Variants in SLC16A7 observed in about 807,000 individuals in gnomAD.
The protein encoded by SLC16A7 is monocarboxylate transporter 2.
In SLC16A7, 33 loss-of-function variants were observed where a neutral mutation model predicts 34.9. The observed-to-expected ratio is 0.94, with a 90% CI of 0.72 to 1.26. The LOEUF is 1.26. Ranked by LOEUF, SLC16A7 falls within the 50% of genes most tolerant of loss-of-function variation. The pLI, the probability that SLC16A7 is intolerant of heterozygous loss-of-function variation, is 0.00. For missense variants in SLC16A7, 573 were observed against 578.1 expected, an observed-to-expected ratio of 0.99 and a Z score of 0.09; for synonymous variants, 201 against 206.6, an observed-to-expected ratio of 0.97 and a Z score of 0.23.
chr12:59,740,886 C>G (rs894007405), intron 3 of SLC16A7, among the ~76,000 whole-genome samples: 5 of 152,048 alleles, frequency 3.3e-5, no homozygotes, highest in South Asian at 2.1e-4. Flanking sequence ...AATCAATGTA[C>G]AAAAATCACA....
In SLC16A7 at chr12:59,754,725, C is replaced by G. The variant is rs985687393; in HGVS notation, c.218-16494C>G. Among the ~76,000 whole-genome samples the G allele has an allele frequency of 2.4e-4, 37 of 152,152 alleles. 1 individual carries two copies. The highest frequency in any genetic ancestry group is 3.4e-3 in the Middle Eastern group (1 of 294). On this transcript the variant is annotated intron_variant, in intron 3 of 5. Coordinates refer to ENST00000547379, the MANE Select transcript of SLC16A7 (RefSeq NM_001270623.2). ...CCTTCTGAAAGTATTCCAATCAATA[C>G]AAAAAGAGGGAATCCTCCCTAACTC...
At chr12:59,743,275 C>T (rs184876001) in intron 3 of SLC16A7, among the ~76,000 whole-genome samples, 264 of 152,144 alleles carry the variant, frequency 1.7e-3, no homozygotes, top group African/African-American at 4.8e-3. Flanking sequence ...ATCAAAACAT[C>T]GTTTTTCTAC....
intron 3 of SLC16A7, among the ~76,000 whole-genome samples, chr12:59,727,170 A>ATATATAAAATATATATATATATATATAAT (rs1555174538): frequency 1.4e-4 from 20 of 144,386 alleles, no homozygotes; most frequent in African/African-American, 5.1e-4. Flanking sequence ...ATATATATAT[A>ATATATAAAATATATATATATATATATAAT]ATATATATAT....
intron 3 of SLC16A7, among the ~76,000 whole-genome samples, chr12:59,711,634 C>T (rs1195229388): frequency 6.6e-6 from 1 of 152,154 alleles, no homozygotes; most frequent in Non-Finnish European, 1.5e-5. Flanking sequence ...TCTCCTGCCT[C>T]AGCCTCCTGA....
At chr12:59,715,415 T>C (rs371410509) in intron 3 of SLC16A7, among the ~76,000 whole-genome samples, 5 of 152,346 alleles carry the variant, frequency 3.3e-5, no homozygotes, top group Admixed American at 2.6e-4. Flanking sequence ...ATAAGTCATA[T>C]CACAGCCGTC....
rs1883632185 is a variant in SLC16A7 at position 59,786,486 on chromosome 12, T to C, written c.*6807T>C. 1 of 152,180 alleles carries C rather than the reference T, an allele frequency of 6.6e-6. No individual in the cohort carries two copies. The highest frequency in any genetic ancestry group is 2.1e-4 in the South Asian group (1 of 4,836). 9.4% of individuals were successfully genotyped at this position (152,180 alleles called of 1,614,324 possible). On this transcript the variant is annotated 3_prime_UTR_variant, in exon 6 of 6. Coordinates refer to ENST00000547379, the MANE Select transcript of SLC16A7 (RefSeq NM_001270623.2). Reference sequence around the variant, plus strand: ...TCAATGGTACGATGGATTTTATTTTTCTATCATCAACTTTCTATATTTAAC... The same window carrying C: ...TCAATGGTACGATGGATTTTATTTTCCTATCATCAACTTTCTATATTTAAC...
intron 3 of SLC16A7, among the ~76,000 whole-genome samples, chr12:59,734,934 A>G (rs1176936549): frequency 2.6e-5 from 4 of 152,236 alleles, no homozygotes; most frequent in Non-Finnish European, 5.9e-5. Context: ...GTTTCTTAAC[A>G]TTCAGCTTGA....
At chr12:59,685,758 C>T (rs771671463) in intron 2 of SLC16A7, among the ~76,000 whole-genome samples, 2 of 151,812 alleles carry the variant, frequency 1.3e-5, no homozygotes, top group Non-Finnish European at 2.9e-5. Context: ...TGTTTTCATT[C>T]TGTCTTTGAA....
At chr12:59,692,519 T>C (rs1207733010) in intron 2 of SLC16A7, among the ~76,000 whole-genome samples, 1 of 152,024 alleles carries the variant, frequency 6.6e-6, no homozygotes, top group African/African-American at 2.4e-5. Context: ...TTTTGAAGCA[T>C]AATTTTTCTG....
At chr12:59,624,387 G>A (rs1859744301) in intron 1 of SLC16A7, among the ~76,000 whole-genome samples, 1 of 151,132 alleles carries the variant, frequency 6.6e-6, no homozygotes, top group Non-Finnish European at 1.5e-5. Flanking sequence ...TGATAATCTT[G>A]CTACTTAATG....
At chr12:59,609,807 A>G (rs779066371) in intron 1 of SLC16A7, among the ~76,000 whole-genome samples, 3 of 152,214 alleles carry the variant, frequency 2.0e-5, no homozygotes, top group Non-Finnish European at 4.4e-5. Flanking sequence ...ATTTAAATAT[A>G]TGATTTTTTG....
At chr12:59,732,325 C>T (rs966477533) in intron 3 of SLC16A7, among the ~76,000 whole-genome samples, 5 of 152,034 alleles carry the variant, frequency 3.3e-5, no homozygotes, top group Non-Finnish European at 7.4e-5. Context: ...GAGGCTGAGG[C>T]AGAAGAATTG....
At chr12:59,740,017 T>G (rs1878112036) in intron 3 of SLC16A7, among the ~76,000 whole-genome samples, 2 of 151,786 alleles carry the variant, frequency 1.3e-5, no homozygotes, top group African/African-American at 2.4e-5. Flanking sequence ...TGATGGTAGT[T>G]TCTTTTGCTG....
chr12:59,692,555 C>T (rs1871797053), intron 2 of SLC16A7, among the ~76,000 whole-genome samples: 1 of 151,984 alleles, frequency 6.6e-6, no homozygotes, highest in Admixed American at 6.6e-5. Context: ...GATGTTCAAC[C>T]TGTATTAGAA....
At chr12:59,704,183 G>A in intron 2 of SLC16A7, among the ~76,000 whole-genome samples, 1 of 115,964 alleles carries the variant, frequency 8.6e-6, no homozygotes, top group South Asian at 2.9e-4. Context: ...CTGGGCCACA[G>A]AGTGAGACTC....
chr12:59,727,312 G>A (rs1876407173), intron 3 of SLC16A7, among the ~76,000 whole-genome samples: 1 of 152,042 alleles, frequency 6.6e-6, no homozygotes, highest in South Asian at 2.1e-4. Flanking sequence ...GGCTACTTAT[G>A]AACAGAGGAT....
intron 2 of SLC16A7, among the ~76,000 whole-genome samples, chr12:59,684,167 G>A (rs1016163286): frequency 1.3e-5 from 2 of 152,094 alleles, no homozygotes; most frequent in Non-Finnish European, 2.9e-5. Flanking sequence ...CTCTAAAAGA[G>A]GACATTTTTC....
At chr12:59,673,292 T>C (rs997517468) in intron 2 of SLC16A7, among the ~76,000 whole-genome samples, 1 of 152,150 alleles carries the variant, frequency 6.6e-6, no homozygotes, top group Non-Finnish European at 1.5e-5. Flanking sequence ...TAATAAATAT[T>C]GAGCTGTTAT....
chr12:59,638,648 G>C (rs192972572), intron 1 of SLC16A7, among the ~76,000 whole-genome samples: 20 of 152,074 alleles, frequency 1.3e-4, no homozygotes, highest in African/African-American at 4.8e-4. Context: ...CTAGGAAAAG[G>C]TTTGTGTAAG....
Sources: allele counts gnomAD v4.1 joint callset (sites outside exome capture counted in the v4.1 genomes callset), GRCh38; gene constraint gnomAD v4.1.1; transcripts MANE v1.5; gene names NCBI Gene and HGNC (gene_info 2026-07-23, HGNC 2026-07-21).